LRRC27: variants seen among roughly 807,000 people sequenced by gnomAD.
The protein encoded by LRRC27 is leucine-rich repeat-containing protein 27.
Under a neutral mutation model 55.0 loss-of-function variants are expected in LRRC27, and 57 were observed. That is an observed-to-expected ratio of 1.04 (90% CI 0.84 to 1.29). The LOEUF is 1.29. Ranked by LOEUF, LRRC27 falls within the 50% of genes most tolerant of loss-of-function variation. The pLI is 0.00. For synonymous variants in LRRC27, 278 were observed against 251.9 expected, an observed-to-expected ratio of 1.10 and a Z score of -0.98; for missense variants, 721 against 651.5, an observed-to-expected ratio of 1.11 and a Z score of -1.16.
In LRRC27 at chr10:132,348,871, G is replaced by A; in HGVS notation, c.926+515G>A. On this transcript the variant is annotated intron_variant, in intron 6 of 10. Coordinates refer to ENST00000368614, the MANE Select transcript of LRRC27 (RefSeq NM_030626.3). This position sits in a 1 kb window ranked among gnomAD's most constrained non-coding sequence, Gnocchi z 4.2. ...GGCAGCTGCCTGGGGACAAAAGGAA[G>A]GCAGTCATTGTGTGGCCCACTTCCA... The A allele has an allele frequency of 1.2e-6, 1 of 819,846 alleles. No homozygotes were observed. Among genetic ancestry groups the A allele is most frequent in the East Asian group, 2.7e-5 (1 of 37,176 alleles). The allele number at this position is 819,846 out of a possible 1,614,324, so 50.8% of individuals were successfully genotyped here.
rs1242653705 is a variant in LRRC27, at chr10:132,375,051, CT to C, written c.1417-13del. ...CCAGCCTTTCTAACATCTCCCCCTCCTTGTCTCCCATAAGGCCACAGAGCTA... is the reference window on the plus strand; with the variant it reads ...CCAGCCTTTCTAACATCTCCCCCTCCTGTCTCCCATAAGGCCACAGAGCTA... On this transcript the variant is annotated splice_polypyrimidine_tract_variant and intron_variant, in intron 10 of 10. Transcript: ENST00000368614. 6.3e-7 allele frequency: 1 copy of C among 1,598,994 alleles called. No individual in the cohort carries two copies. The highest frequency in any genetic ancestry group is 8.5e-7 in the Non-Finnish European group (1 of 1,169,696).
At chr10:132,347,917 C>G in intron 5 of LRRC27, 67 bp from the exon 6 acceptor site, 1 of 1,515,330 alleles carries the variant, frequency 6.6e-7, no homozygotes, top group East Asian at 2.3e-5. Context: ...CCGTCACTGG[C>G]TTTTTGAATA....
chr10:132,332,746 G>A (rs2066862367), intron 1 of LRRC27, among the ~76,000 whole-genome samples: 2 of 145,490 alleles, frequency 1.4e-5, no homozygotes, highest in Admixed American at 1.4e-4. Flanking sequence ...AATTAACTGC[G>A]CCCCTGGAAC....
At chr10:132,347,065 G>A (rs1427701571) in intron 5 of LRRC27, among the ~76,000 whole-genome samples, 2 of 152,232 alleles carry the variant, frequency 1.3e-5, no homozygotes, top group Non-Finnish European at 2.9e-5. Context: ...AGTGCCTGGA[G>A]TGCCTCTCTG....
At chr10:132,362,355 G>A (rs2068661608) in intron 9 of LRRC27, among the ~76,000 whole-genome samples, 1 of 152,154 alleles carries the variant, frequency 6.6e-6, no homozygotes, top group Non-Finnish European at 1.5e-5. Flanking sequence ...TGAGGGGAAG[G>A]GTAGGGGCTC....
intron 10 of LRRC27, 143 bp downstream of exon 10, chr10:132,365,693 C>T: frequency 9.7e-7 from 1 of 1,032,000 alleles, no homozygotes; most frequent in South Asian, 1.7e-5. Flanking sequence ...CCTCCACCTC[C>T]CAGGTTCAAG....
At chr10:132,330,980 A>G (rs7082379), upstream of LRRC27, among the ~76,000 whole-genome samples, 54,527 of 150,396 alleles carry the variant, frequency 0.36, 10,065 homozygotes, top group Non-Finnish European at 0.4. Flanking sequence ...AGGGGGGCGG[A>G]TCATGAGGTC....
chr10:132,357,714 T>C (rs2068371140), intron 8 of LRRC27, among the ~76,000 whole-genome samples: 1 of 152,102 alleles, frequency 6.6e-6, no homozygotes, highest in African/African-American at 2.4e-5. Context: ...ACCATCACAG[T>C]GAGAGTGTAC....
intron 8 of LRRC27, 89 bp from the exon 9 acceptor site, chr10:132,361,368 G>A: frequency 9.1e-7 from 1 of 1,102,668 alleles, no homozygotes; most frequent in Non-Finnish European, 1.4e-6. Flanking sequence ...TCGTGGACGA[G>A]GAGCTAGTCT....
intron 9 of LRRC27, among the ~76,000 whole-genome samples, chr10:132,362,018 C>T (rs1318760081): frequency 6.6e-6 from 1 of 152,224 alleles, no homozygotes; most frequent in Non-Finnish European, 1.5e-5. Context: ...ACCTGACCCT[C>T]AGGGCCGCTC....
chr10:132,333,674 A>G lies in LRRC27; in HGVS notation c.150A>G (p.Leu50=). 3 of 1,613,770 alleles carry G rather than the reference A, an allele frequency of 1.9e-6. No homozygotes were observed. The highest frequency in any genetic ancestry group is 2.5e-6 in the Non-Finnish European group (3 of 1,180,014). The change falls in exon 2 of 11, where the codon TTA becomes TTG. Residue 50 remains leucine, a synonymous_variant. Coordinates refer to ENST00000368614, the MANE Select transcript of LRRC27 (RefSeq NM_030626.3). ...GGIIFSSSPI[L]DLSESGLCRL... ...TCATCTTTTCCTCCTCACCGATTTT[A>G]GACTTGAGTGAAAGTGGTCTGTGCC...
intron 10 of LRRC27, among the ~76,000 whole-genome samples, chr10:132,367,901 G>A (rs1030101182): frequency 1.3e-5 from 2 of 152,136 alleles, no homozygotes; most frequent in Non-Finnish European, 2.9e-5. Context: ...TATATAGATT[G>A]GGAAACAAGA....
chr10:132,331,753 C>T (rs773762598), upstream of LRRC27: 74 of 1,611,150 alleles, frequency 4.6e-5, no homozygotes, highest in Non-Finnish European at 6.0e-5. Flanking sequence ...CTCTTCCTTC[C>T]CCTCTGTGCC....
intron 7 of LRRC27, chr10:132,353,425 G>A (rs1488492332): frequency 1.9e-5 from 19 of 1,021,042 alleles, no homozygotes; most frequent in South Asian, 1.2e-4. Context: ...GTTTTCTCTC[G>A]GGACCATGTG....
chr10:132,347,876 G>T lies in LRRC27; in HGVS notation c.554-108G>T, dbSNP rs934528322. Reference sequence around the variant, plus strand: ...GACAGGGAACGTGGCAGCCATGGAGGATCTGGGCACCCCACCCCCCACCAT... The same window carrying T: ...GACAGGGAACGTGGCAGCCATGGAGTATCTGGGCACCCCACCCCCCACCAT... On this transcript the variant is annotated intron_variant, in intron 5 of 10. Coordinates refer to ENST00000368614, the MANE Select transcript of LRRC27 (RefSeq NM_030626.3). 6.6e-6 allele frequency: 9 copies of T among 1,371,182 alleles called. No homozygotes were observed. In the African/African-American group the frequency reaches 1.3e-4, roughly 20 times the overall value. The allele number at this position is 1,371,182 out of a possible 1,614,324, so 84.9% of individuals were successfully genotyped here. A position where few individuals can be genotyped will look rare whatever the true frequency, so the allele number is the denominator to read the frequency against.
At chr10:132,366,080 T>A (rs967638242) in intron 10 of LRRC27, among the ~76,000 whole-genome samples, 1 of 152,246 alleles carries the variant, frequency 6.6e-6, no homozygotes, top group African/African-American at 2.4e-5. Context: ...ATGGCGGGCC[T>A]TGGCATCTCA....
At chr10:132,346,135 G>A (rs1049298255) in intron 5 of LRRC27, among the ~76,000 whole-genome samples, 2 of 152,206 alleles carry the variant, frequency 1.3e-5, no homozygotes, top group South Asian at 4.1e-4. Context: ...ACAGAGAGGC[G>A]AGGGCGGGTA....
rs141724598 is a variant in LRRC27 at position 132,351,837 on chromosome 10, C to G, written c.1073+84C>G. The G allele has an allele frequency of 2.1e-6, 3 of 1,453,018 alleles. No homozygotes were observed. In the Admixed American group the frequency reaches 7.0e-5, roughly 34 times the overall value. The allele number at this position is 1,453,018 out of a possible 1,614,324, so 90.0% of individuals were successfully genotyped here. A position where few individuals can be genotyped will look rare whatever the true frequency, so the allele number is the denominator to read the frequency against. On this transcript the variant is annotated intron_variant, in intron 7 of 10. Coordinates refer to ENST00000368614, the MANE Select transcript of LRRC27 (RefSeq NM_030626.3). ...TGGGCTGTGATTTTATGGCAGGCCT[C>G]GTGGAAGTGTTTAGTTAGTTCTCCC...
rs1214547844 is a variant in LRRC27, at chr10:132,333,599, G to C, written c.75G>C (p.Arg25Ser). The change falls in exon 2 of 11, where the codon AGG (arginine) becomes AGC (serine). Residue 25 changes from arginine to serine, a missense_variant. Transcript: ENST00000368614. ...TGGAGGAGGGTGCTGGTCAGACTAG[G>C]AGCTTGCCTGCCACCCCCTCCAAAG... ...ADLEEGAGQT[R>S]SLPATPSKDV... The C allele has an allele frequency of 6.2e-7, 1 of 1,612,616 alleles. No homozygotes were observed. Among genetic ancestry groups the C allele is most frequent in the Admixed American group, 1.7e-5 (1 of 60,016 alleles).
Sources: gnomAD v4.1 joint callset for allele counts (sites outside exome capture counted in the v4.1 genomes callset) on GRCh38, gnomAD v4.1.1 for gene constraint, Gnocchi (gnomAD v3.1) non-coding constraint, MANE v1.5 for transcripts, NCBI Gene and HGNC (gene_info 2026-07-23, HGNC 2026-07-21) for gene names.